TRIM63: variants seen among roughly 807,000 people sequenced by gnomAD.
The protein encoded by TRIM63 is tripartite motif containing 63, also known as E3 ubiquitin-protein ligase TRIM63.
In TRIM63, 48 loss-of-function variants were observed where a neutral mutation model predicts 46.0. That is an observed-to-expected ratio of 1.04 (90% CI 0.83 to 1.33). The LOEUF is 1.33. Ranked by LOEUF, TRIM63 falls within the 40% of genes most tolerant of loss-of-function variation. The probability of loss-of-function intolerance (pLI) is 0.00; values close to 1 mark genes in which losing one functional copy is unlikely to be tolerated. For missense variants in TRIM63, 455 were observed against 441.2 expected (o/e 1.03, Z -0.28); for synonymous variants, 175 against 162.8 (o/e 1.08, Z -0.57).
chr1:26,060,442 G>C, intron 3 of TRIM63, 81 bp from the exon 4 acceptor site: 1 of 1,043,944 alleles, frequency 9.6e-7, no homozygotes, highest in Non-Finnish European at 1.5e-6. Flanking sequence ...CAGCAACATG[G>C]CTTCCTCCCT....
In TRIM63 at chr1:26,062,434, T is replaced by G. The variant is rs939748564; in HGVS notation, c.333-1100A>C. On this transcript the variant is annotated intron_variant, in intron 2 of 8. Transcript: ENST00000374272. ...TCAGTCATACCCTCTCTCTTTCTCTTAGCTTCACCACTTTCTAGCTGTATG... is the reference window on the plus strand; with the variant it reads ...TCAGTCATACCCTCTCTCTTTCTCTGAGCTTCACCACTTTCTAGCTGTATG... Among the ~76,000 whole-genome samples the G allele has an allele frequency of 9.2e-5, 14 of 152,176 alleles. 1 individual carries two copies. Among genetic ancestry groups the G allele is most frequent in the Non-Finnish European group, 1.9e-4 (13 of 68,030 alleles).
rs554651232 is a variant in TRIM63 at position 26,058,612 on chromosome 1, G to A, written c.609C>T (p.His203=). Residue 203 remains histidine (H), a synonymous_variant, in exon 5 of 9, where the codon CAC becomes CAT. Transcript: ENST00000374272. ...TCTGGCTCAGCTCTTCCTTTACCTG[G>A]TGACTGTTCTCCTGAGGACGGAAGT... ...DSRRVTKENS[H]QVKEELSQKF... 2.5e-6 allele frequency: 4 copies of A among 1,614,106 alleles called. No individual in the cohort carries two copies. In the Admixed American group the frequency reaches 5.0e-5, roughly 20 times the overall value.
In TRIM63 at chr1:26,060,277, G is replaced by A. The variant is rs145057954; in HGVS notation, c.586C>T (p.Arg196Ter). 3.8e-5 allele frequency: 61 copies of A among 1,613,694 alleles called. No homozygotes were observed. The highest frequency in any genetic ancestry group is 4.6e-5 in the Non-Finnish European group (54 of 1,179,806). ...TTCTGTCCGCTCACCTTGGTCACTCGACGGGAATCCTCCAGCTGAGTGATG... is the reference window on the plus strand; with the variant it reads ...TTCTGTCCGCTCACCTTGGTCACTCAACGGGAATCCTCCAGCTGAGTGATG... ...TIITQLEDSR[R>*]VTKENSHQVK... The change falls in exon 4 of 9, where the codon CGA becomes TGA. Residue 196 changes from arginine to a stop codon, truncating the protein, a stop_gained. Coordinates refer to ENST00000374272, the MANE Select transcript of TRIM63 (RefSeq NM_032588.4). LOFTEE classifies it high-confidence loss of function.
rs1481083722 is a variant in TRIM63 at position 26,054,406 on chromosome 1, GCCACTGT to G, written c.980-449_980-443del. On this transcript the variant is annotated intron_variant, in intron 7 of 8. Transcript: ENST00000374272. Reference sequence around the variant, plus strand: ...GCCTATGAGATCTGCTTGTTCAGCAGCCACTGTCCCATTTTCCTCATTCCTTAGCCTG... The same window carrying G: ...GCCTATGAGATCTGCTTGTTCAGCAGCCCATTTTCCTCATTCCTTAGCCTG... 7.2e-5 allele frequency among the ~76,000 whole-genome samples: 11 copies of G among 152,256 alleles called. No homozygotes were observed. In the East Asian group the frequency reaches 1.5e-3, roughly 21 times the overall value.
rs747047665 is a variant in TRIM63, at chr1:26,066,346, TCCATGA to T, written c.248_253del (p.Ile83_Asp85delinsAsn). The T allele has an allele frequency of 1.4e-5, 23 of 1,613,954 alleles. No homozygotes were observed. Among genetic ancestry groups the T allele is most frequent in the Middle Eastern group, 1.6e-4 (1 of 6,082 alleles). ...CTGCAGGCCGTACACTCCGTGACGA[TCCATGA>T]TCACCTCGTGGCGGCAGGTGGGGCA... On this transcript the variant is annotated inframe_deletion, in exon 2 of 9. Coordinates refer to ENST00000374272, the MANE Select transcript of TRIM63 (RefSeq NM_032588.4).
rs2050676343 is a variant in TRIM63 at position 26,066,271 on chromosome 1, G to A, written c.329C>T (p.Ser110Phe). Reference sequence around the variant, plus strand: ...CCCAGCAGGCACGAGAACCGACCTGGAGCACTCCTGTTTGTAGATGTCGAT... The same window carrying A: ...CCCAGCAGGCACGAGAACCGACCTGAAGCACTCCTGTTTGTAGATGTCGAT... Reference protein sequence around the residue: ...NIIDIYKQECSSRPLQKGSHP... With the variant: ...NIIDIYKQECFSRPLQKGSHP... The change falls in exon 2 of 9, where the codon TCC becomes TTC. Residue 110 changes from serine (S) to phenylalanine (F), a missense_variant. Ser to Phe is a radical substitution (Grantham distance 155). Transcript: ENST00000374272. 1 of 1,613,948 alleles carries A rather than the reference G, an allele frequency of 6.2e-7. No individual in the cohort carries two copies. Among genetic ancestry groups the A allele is most frequent in the Admixed American group, 1.7e-5 (1 of 60,004 alleles).
rs141681702 is a variant in TRIM63 at position 26,066,547 on chromosome 1, A to G, written c.160-107T>C. The G allele has an allele frequency of 1.5e-4, 154 of 1,032,334 alleles. 1 individual carries two copies. In the African/African-American group the frequency reaches 2.3e-3, roughly 16 times the overall value. The allele number at this position is 1,032,334 out of a possible 1,614,324, so 63.9% of individuals were successfully genotyped here. A position where few individuals can be genotyped will look rare whatever the true frequency, so the allele number is the denominator to read the frequency against. ...TGCCTATCCGAACCACCCCCGTCAA[A>G]CCTAACAACCTGGAGCTCTGCAGAC... On this transcript the variant is annotated intron_variant, in intron 1 of 8. Transcript: ENST00000374272.
chr1:26,064,649 C>A (rs2997444), intron 2 of TRIM63, among the ~76,000 whole-genome samples: 2,815 of 152,236 alleles, frequency 0.018, 80 homozygotes, highest in African/African-American at 0.06. Context: ...ACAATAGGTA[C>A]CCAATAAATG....
intron 7 of TRIM63, among the ~76,000 whole-genome samples, chr1:26,055,190 C>T (rs2050560222): frequency 6.6e-6 from 1 of 152,146 alleles, no homozygotes; most frequent in Non-Finnish European, 1.5e-5. Flanking sequence ...AGCCAAATGG[C>T]CCTCAGTAGA....
At chr1:26,053,138 G>A (rs1240017958) in intron 8 of TRIM63, among the ~76,000 whole-genome samples, 1 of 152,066 alleles carries the variant, frequency 6.6e-6, no homozygotes, top group African/African-American at 2.4e-5. Context: ...TAAAGACGAG[G>A]ACTTGCTGTT....
intron 2 of TRIM63, among the ~76,000 whole-genome samples, chr1:26,064,486 TACCACTTGCTAGCTGTGTGGG>T (rs1442552697): frequency 6.6e-6 from 1 of 152,092 alleles, no homozygotes; most frequent in Admixed American, 6.6e-5. Flanking sequence ...CTCTTAGCTC[TACCACTTGCTAGCTGTGTGGG>T]CTTGGACAAA....
intron 3 of TRIM63, 25 bp downstream of exon 3, chr1:26,061,141 G>C: frequency 2.5e-6 from 4 of 1,609,314 alleles, no homozygotes; most frequent in Non-Finnish European, 2.5e-6. Context: ...CCCAGGCTGG[G>C]GGTAAAAGTG....
chr1:26,066,432 A>C lies in TRIM63; in HGVS notation c.168T>G (p.Asn56Lys). The C allele has an allele frequency of 6.3e-7, 1 of 1,580,984 alleles. No homozygotes were observed. The highest frequency in any genetic ancestry group is 8.6e-7 in the Non-Finnish European group (1 of 1,161,078). ...AGCTGCCCCGGCTGGTCCAGTAGGGATTTGCAGCCTGCAGGTGGCAAAGGT... is the reference window on the plus strand; with the variant it reads ...AGCTGCCCCGGCTGGTCCAGTAGGGCTTTGCAGCCTGCAGGTGGCAAAGGT... ...KCANDIFQAA[N>K]PYWTSRGSSV... Residue 56 changes from asparagine to lysine, a missense_variant, in exon 2 of 9, where the codon AAT becomes AAG. Physicochemically the swap from Asn to Lys is moderately conservative, Grantham distance 94 (BLOSUM62 0). Transcript: ENST00000374272.
chr1:26,066,117 G>T, intron 2 of TRIM63, 151 bp downstream of exon 2: 2 of 882,242 alleles, frequency 2.3e-6, no homozygotes, highest in Non-Finnish European at 3.6e-6. Context: ...GGGGTGTATG[G>T]GTCTCCAGTC....
At chr1:26,059,197 T>C (rs1431143744) in intron 4 of TRIM63, among the ~76,000 whole-genome samples, 5 of 152,050 alleles carry the variant, frequency 3.3e-5, no homozygotes, top group Non-Finnish European at 5.9e-5. Flanking sequence ...TATTTTTTTG[T>C]ATTTTTAGTA....
chr1:26,061,513 T>C (rs1015133742), intron 2 of TRIM63, among the ~76,000 whole-genome samples, 179 bp from the exon 3 acceptor site: 3 of 152,180 alleles, frequency 2.0e-5, no homozygotes, highest in Non-Finnish European at 4.4e-5. Context: ...CCCTCAGTGT[T>C]TGGCTGCCCT....
At chr1:26,062,507 A>G (rs1430740990) in intron 2 of TRIM63, among the ~76,000 whole-genome samples, 2 of 152,174 alleles carry the variant, frequency 1.3e-5, no homozygotes, top group Non-Finnish European at 2.9e-5. Context: ...GTTGCCCCTG[A>G]GGCTCAGAGA....
At chr1:26,055,629 G>T (rs1272906647) in intron 7 of TRIM63, among the ~76,000 whole-genome samples, 1 of 151,494 alleles carries the variant, frequency 6.6e-6, no homozygotes, top group Non-Finnish European at 1.5e-5. Context: ...TGCTGCTTCA[G>T]CCTCCCGAGT....
Position 26,051,633 on chromosome 1 carries a change from A to G in TRIM63, c.*240T>C. The G allele has an allele frequency of 2.5e-6, 1 of 395,732 alleles. No individual in the cohort carries two copies. Among genetic ancestry groups the G allele is most frequent in the Non-Finnish European group, 4.6e-6 (1 of 217,636 alleles). The allele number at this position is 395,732 out of a possible 1,614,324, so 24.5% of individuals were successfully genotyped here. The stretch of plus-strand genomic sequence containing the variant: ...AATATTCCATTTTGCACCAATGTAG[A>G]AAAGTGTCCTGTGTGATTGTTTCAA... On this transcript the variant is annotated 3_prime_UTR_variant, in exon 9 of 9. Transcript: ENST00000374272.
Sources: gnomAD v4.1 joint callset for allele counts (sites outside exome capture counted in the v4.1 genomes callset) on GRCh38, gnomAD v4.1.1 for gene constraint, MANE v1.5 for transcripts, NCBI Gene and HGNC (gene_info 2026-07-23, HGNC 2026-07-21) for gene names.